The following FOXP2 variants were observed in gnomAD, a reference collection of about 807,000 sequenced individuals.
FOXP2 encodes the protein forkhead box protein P2.
A neutral mutation model predicts 115.8 loss-of-function variants in FOXP2; 12 were observed. The ratio of observed to expected loss-of-function variants is 0.10; its 90% CI spans 0.07 to 0.17. FOXP2 has a LOEUF of 0.17. FOXP2 is among the 10% of genes least tolerant of loss of function. The pLI is 1.00. For missense variants in FOXP2, 629 were observed against 843.5 expected, an observed-to-expected ratio of 0.75 and a Z score of 3.15; for synonymous variants, 328 against 297.7, an observed-to-expected ratio of 1.10 and a Z score of -1.05.
intron 1 of FOXP2, among the ~76,000 whole-genome samples, chr7:114,287,268 TG>T (rs982365267): frequency 6.6e-6 from 1 of 151,410 alleles, no homozygotes; most frequent in Non-Finnish European, 1.5e-5. Context: ...AAAAAAAAAC[TG>T]CAAAAAGTCT....
At chr7:114,425,966 C>A (rs1793826917) in intron 1 of FOXP2, among the ~76,000 whole-genome samples, 1 of 151,646 alleles carries the variant, frequency 6.6e-6, no homozygotes, top group South Asian at 2.1e-4. Flanking sequence ...ACCCATTATA[C>A]TATTTATCAT....
At chr7:114,672,559 A>G (rs1807546447) in intron 16 of FOXP2, among the ~76,000 whole-genome samples, 1 of 151,902 alleles carries the variant, frequency 6.6e-6, no homozygotes, top group African/African-American at 2.4e-5. Flanking sequence ...TGCTCCAGCC[A>G]ATGTGACAGA....
intron 13 of FOXP2, chr7:114,661,837 G>A (rs1241170928): frequency 1.6e-5 from 8 of 489,344 alleles, no homozygotes; most frequent in Non-Finnish European, 3.0e-5. Context: ...TTTTGACACA[G>A]CTATTATTAA....
intron 2 of FOXP2, among the ~76,000 whole-genome samples, chr7:114,314,177 C>A (rs1372766965): frequency 6.6e-6 from 1 of 150,900 alleles, no homozygotes. Flanking sequence ...AATATGGTCA[C>A]GGTAGTTTGA....
chr7:114,510,192 C>G (rs568342373), intron 2 of FOXP2, among the ~76,000 whole-genome samples: 1 of 152,094 alleles, frequency 6.6e-6, no homozygotes, highest in African/African-American at 2.4e-5. Context: ...CAGAAGAGAC[C>G]TCCTGAATGA....
intron 2 of FOXP2, among the ~76,000 whole-genome samples, chr7:114,494,816 G>C (rs759215721): frequency 1.3e-5 from 2 of 151,968 alleles, no homozygotes; most frequent in Non-Finnish European, 2.9e-5. Flanking sequence ...ATGACATGTT[G>C]CTATATTTCT....
chr7:114,198,833 G>T (rs1207727420), intron 1 of FOXP2, among the ~76,000 whole-genome samples: 1 of 152,192 alleles, frequency 6.6e-6, no homozygotes, highest in Non-Finnish European at 1.5e-5. Context: ...ATGAAATTGG[G>T]ATCTGGCAAA....
intron 2 of FOXP2, among the ~76,000 whole-genome samples, chr7:114,301,855 A>C (rs1012745895): frequency 2.6e-5 from 4 of 152,130 alleles, no homozygotes; most frequent in Admixed American, 2.0e-4. Context: ...CCTGACTTCC[A>C]GAACTTGGCA....
At chr7:114,545,000 C>A (rs1799847837) in intron 3 of FOXP2, among the ~76,000 whole-genome samples, 1 of 152,100 alleles carries the variant, frequency 6.6e-6, no homozygotes, top group Non-Finnish European at 1.5e-5. Flanking sequence ...GGGTCTATCC[C>A]AGACTACTGA....
intron 2 of FOXP2, among the ~76,000 whole-genome samples, chr7:114,291,498 T>C (rs1182086290): frequency 6.6e-6 from 1 of 152,124 alleles, no homozygotes; most frequent in Non-Finnish European, 1.5e-5. Context: ...TGAATTTTCA[T>C]ATATGTAGAA....
chr7:114,331,587 AT>A (rs1262143866), intron 2 of FOXP2, among the ~76,000 whole-genome samples: 1 of 151,742 alleles, frequency 6.6e-6, no homozygotes, highest in Non-Finnish European at 1.5e-5. Flanking sequence ...GTCTTTGTTA[AT>A]TTTCTCCGAG....
chr7:114,137,352 T>A (rs1330630877), intron 1 of FOXP2, among the ~76,000 whole-genome samples: 1 of 152,152 alleles, frequency 6.6e-6, no homozygotes, highest in Non-Finnish European at 1.5e-5. Context: ...GGAGGTTACA[T>A]GTTTAATGTC....
At chr7:114,328,233 C>CTTTT (rs1193894946) in intron 2 of FOXP2, among the ~76,000 whole-genome samples, 119 of 129,572 alleles carry the variant, frequency 9.2e-4, no homozygotes, top group African/African-American at 3.2e-3. Flanking sequence ...CTTTTCTTTT[C>CTTTT]TTTTTTTTTT....
chr7:114,565,849 T>C (rs1800995235), intron 3 of FOXP2, among the ~76,000 whole-genome samples: 1 of 152,176 alleles, frequency 6.6e-6, no homozygotes, highest in African/African-American at 2.4e-5. Flanking sequence ...TAATCTCTGG[T>C]TCTTGTTGAC....
intron 1 of FOXP2, among the ~76,000 whole-genome samples, chr7:114,275,904 T>TCA (rs1370654475): frequency 1.3e-5 from 2 of 152,312 alleles, no homozygotes; most frequent in East Asian, 3.9e-4. Flanking sequence ...ATTGTGAACT[T>TCA]CACAAGTGTT....
intron 3 of FOXP2, chr7:114,538,478 CCTTT>C: frequency 1.5e-6 from 1 of 647,126 alleles, no homozygotes. Flanking sequence ...ATAAAGTTCT[CCTTT>C]CTAATAGGTA....
intron 3 of FOXP2, among the ~76,000 whole-genome samples, chr7:114,542,952 A>G: frequency 6.6e-6 from 1 of 151,736 alleles, no homozygotes; most frequent in East Asian, 1.9e-4. Flanking sequence ...CACCATGCCC[A>G]ACTAATTTTT....
At chr7:114,212,122 A>AATAAAATAAAATAAAATAAAATAT (rs67192679) in intron 1 of FOXP2, among the ~76,000 whole-genome samples, 1 of 131,016 alleles carries the variant, frequency 7.6e-6, no homozygotes, top group Admixed American at 7.8e-5. Context: ...AATAAAATAA[A>AATAAAATAAAATAAAATAAAATAT]ATATATATAT....
At chr7:114,129,537 TA>T (rs1205271895) in intron 1 of FOXP2, among the ~76,000 whole-genome samples, 2 of 152,180 alleles carry the variant, frequency 1.3e-5, no homozygotes, top group African/African-American at 4.8e-5. Context: ...TAAAATAAAA[TA>T]AAAATGCACT....
Sources: allele counts gnomAD v4.1 joint callset (sites outside exome capture counted in the v4.1 genomes callset), GRCh38; gene constraint gnomAD v4.1.1; transcripts MANE v1.5; gene names NCBI Gene and HGNC (gene_info 2026-07-23, HGNC 2026-07-21).